IRAK2: variants seen among roughly 807,000 people sequenced by gnomAD.
IRAK2 encodes interleukin 1 receptor associated kinase 2.
In IRAK2, 57 loss-of-function variants were observed where a neutral mutation model predicts 72.0. The ratio of observed to expected loss-of-function variants is 0.79; its 90% CI spans 0.64 to 0.99. The LOEUF (loss-of-function observed/expected upper bound fraction) is 0.99, where lower values mean the gene tolerates loss of function less well. Among genes scored for constraint, IRAK2 ranks in the 50% least tolerant of loss-of-function variants. The probability of loss-of-function intolerance (pLI) is 0.00; values close to 1 mark genes in which losing one functional copy is unlikely to be tolerated. For missense variants in IRAK2, 790 were observed against 794.4 expected (o/e 0.99, Z 0.07); for synonymous variants, 293 against 312.7 (o/e 0.94, Z 0.67).
rs12486661 is a variant in IRAK2 at position 10,238,776 on chromosome 3, A to G, written c.1502A>G (p.Glu501Gly). The change falls in exon 12 of 13, where the codon GAG becomes GGG. Residue 501 changes from glutamate to glycine, a missense_variant. Physicochemically the swap from Glu to Gly is moderately conservative, Grantham distance 98. Coordinates refer to ENST00000256458, the MANE Select transcript of IRAK2 (RefSeq NM_001570.4). ...TGTGGCTCTGTGGCTGCTGTGGAAG[A>G]GCGGCTCCGAGGTCGGGAGACGTTG... ...EVCGSVAAVEERLRGRETLLP... is the reference protein window; with the variant it reads ...EVCGSVAAVEGRLRGRETLLP... The G allele has an allele frequency of 1.9e-3, 3,053 of 1,614,066 alleles. 1 individual carries two copies. Among genetic ancestry groups the G allele is most frequent in the Non-Finnish European group, 2.3e-3 (2,722 of 1,179,990 alleles).
chr3:10,175,457 G>A (rs139096763), intron 1 of IRAK2, among the ~76,000 whole-genome samples: 7 of 152,092 alleles, frequency 4.6e-5, no homozygotes, highest in Non-Finnish European at 7.4e-5. Flanking sequence ...AATAAGACCA[G>A]GATGCAGAAT....
intron 2 of IRAK2, among the ~76,000 whole-genome samples, chr3:10,186,003 G>A (rs1393345925): frequency 2.0e-5 from 3 of 151,638 alleles, no homozygotes; most frequent in Non-Finnish European, 4.4e-5. Flanking sequence ...TTGGGAGGCA[G>A]AGATTGCAAT....
At chr3:10,198,066 G>A (rs967822341) in intron 2 of IRAK2, among the ~76,000 whole-genome samples, 9 of 151,884 alleles carry the variant, frequency 5.9e-5, no homozygotes, top group Non-Finnish European at 1.2e-4. Context: ...GGGCGTGCTG[G>A]TGGGCGCCTG....
At chr3:10,215,292 G>GC (rs1256124138) in intron 6 of IRAK2, among the ~76,000 whole-genome samples, 1 of 150,946 alleles carries the variant, frequency 6.6e-6, no homozygotes, top group East Asian at 1.9e-4. Context: ...TACTCAGGAG[G>GC]CTGAGGCATG....
intron 3 of IRAK2, among the ~76,000 whole-genome samples, chr3:10,201,280 G>A (rs1455431922): frequency 6.6e-6 from 1 of 152,222 alleles, no homozygotes; most frequent in Non-Finnish European, 1.5e-5. Flanking sequence ...GTCATGTACT[G>A]CCGGGTCCCT....
At chr3:10,179,503 G>A (rs562117857) in intron 2 of IRAK2, among the ~76,000 whole-genome samples, 82 of 150,448 alleles carry the variant, frequency 5.5e-4, no homozygotes, top group Non-Finnish European at 9.8e-4. Context: ...GTGAGATCTC[G>A]GCTCATTGCA....
intron 2 of IRAK2, among the ~76,000 whole-genome samples, chr3:10,178,797 TC>T (rs1350269061): frequency 6.6e-6 from 1 of 152,084 alleles, no homozygotes; most frequent in Non-Finnish European, 1.5e-5. Context: ...TATCTGCAAT[TC>T]CTTTTTTAAA....
chr3:10,235,652 TTTGAC>T (rs1697945086), intron 11 of IRAK2, among the ~76,000 whole-genome samples: 1 of 152,076 alleles, frequency 6.6e-6, no homozygotes, highest in African/African-American at 2.4e-5. Context: ...GACACCCACT[TTTGAC>T]TTCTCTCAGT....
chr3:10,200,429 A>G lies in IRAK2; in HGVS notation c.338A>G (p.Glu113Gly). The G allele has an allele frequency of 6.2e-7, 1 of 1,608,814 alleles. No individual in the cohort carries two copies. Reference sequence around the variant, plus strand: ...GCCTTCCCTGACTCTGTGAAGCCAGAAAAGCCTTTGGCAGCTTCTGTAAGA... The same window carrying G: ...GCCTTCCCTGACTCTGTGAAGCCAGGAAAGCCTTTGGCAGCTTCTGTAAGA... ...IPAFPDSVKP[E>G]KPLAASVRKA... The change falls in exon 3 of 13, where the codon GAA (glutamate) becomes GGA (glycine). Residue 113 changes from glutamate (E) to glycine (G), a missense_variant. Glu to Gly is a moderately conservative substitution (Grantham distance 98). Coordinates refer to ENST00000256458, the MANE Select transcript of IRAK2 (RefSeq NM_001570.4).
At chr3:10,236,341 GGTTTTT>G (rs1697958996) in intron 11 of IRAK2, among the ~76,000 whole-genome samples, 1 of 125,236 alleles carries the variant, frequency 8.0e-6, no homozygotes, top group Non-Finnish European at 1.6e-5. Flanking sequence ...GAGCCACTAA[GGTTTTT>G]TTTTTTTTTT....
chr3:10,219,391 T>C (rs1371346761), intron 7 of IRAK2, among the ~76,000 whole-genome samples: 1 of 151,984 alleles, frequency 6.6e-6, no homozygotes, highest in African/African-American at 2.4e-5. Flanking sequence ...CAATCTCGGC[T>C]TACTGCAAGC....
At chr3:10,193,911 C>T (rs1215992444) in intron 2 of IRAK2, among the ~76,000 whole-genome samples, 1 of 152,244 alleles carries the variant, frequency 6.6e-6, no homozygotes, top group Non-Finnish European at 1.5e-5. Context: ...AAGTTGCTGC[C>T]CACCTAGAAT....
intron 10 of IRAK2, among the ~76,000 whole-genome samples, chr3:10,233,475 AAATT>A (rs1697900617): frequency 6.6e-6 from 1 of 152,174 alleles, no homozygotes; most frequent in South Asian, 2.1e-4. Context: ...TATTTGTATA[AAATT>A]ATTATATAGC....
chr3:10,216,341 A>T (rs940407614), intron 6 of IRAK2, among the ~76,000 whole-genome samples: 5 of 152,172 alleles, frequency 3.3e-5, no homozygotes, highest in Non-Finnish European at 5.9e-5. Flanking sequence ...GCAAATTGAC[A>T]TTCAGGTCTG....
At chr3:10,165,447 G>T (rs868022878) in intron 1 of IRAK2, among the ~76,000 whole-genome samples, 1 of 152,252 alleles carries the variant, frequency 6.6e-6, no homozygotes, top group South Asian at 2.1e-4. Context: ...GTGTGTGTGT[G>T]TGTGTGGTGT....
intron 8 of IRAK2, among the ~76,000 whole-genome samples, chr3:10,221,779 G>A (rs1265884111): frequency 2.0e-5 from 3 of 152,056 alleles, no homozygotes; most frequent in South Asian, 2.1e-4. Context: ...CTCCTGTCTC[G>A]GCCTCACAAA....
chr3:10,175,763 G>A (rs1013152070), intron 1 of IRAK2, among the ~76,000 whole-genome samples: 21 of 151,714 alleles, frequency 1.4e-4, no homozygotes, highest in South Asian at 6.2e-4. Flanking sequence ...GGTGGTGGGC[G>A]CCTGTAGTCC....
intron 1 of IRAK2, among the ~76,000 whole-genome samples, chr3:10,166,078 G>T (rs1696684624): frequency 6.6e-6 from 1 of 152,180 alleles, no homozygotes; most frequent in South Asian, 2.1e-4. Flanking sequence ...CTCCCAAAGT[G>T]CTGGGATTAC....
chr3:10,238,704 A>C, intron 11 of IRAK2, 44 bp from the exon 12 acceptor site: 1 of 1,580,970 alleles, frequency 6.3e-7, no homozygotes. Flanking sequence ...TTTCTATTTC[A>C]GAGAGAATTC....
Sources: allele counts gnomAD v4.1 joint callset (sites outside exome capture counted in the v4.1 genomes callset), GRCh38; gene constraint gnomAD v4.1.1; transcripts MANE v1.5; gene names NCBI Gene and HGNC (gene_info 2026-07-23, HGNC 2026-07-21).